Variants in ZNF483 observed in about 807,000 individuals in gnomAD.
ZNF483 encodes the protein zinc finger protein 483, also known as zinc finger protein HIT-10.
ZNF483 carries 9 observed loss-of-function variants against 28.6 expected under a neutral mutation model. The observed-to-expected ratio is 0.32, with a 90% CI of 0.19 to 0.55. The LOEUF (loss-of-function observed/expected upper bound fraction) is 0.55. ZNF483 is among the 20% of genes least tolerant of loss of function. ZNF483 has a pLI of 0.93. For synonymous variants in ZNF483, 322 were observed against 306.2 expected (o/e 1.05, Z -0.54); for missense variants, 675 against 871.7 (o/e 0.77, Z 2.84).
At position 111,534,309 on chromosome 9, in the gene ZNF483, A is replaced by G; in HGVS notation, c.677A>G (p.Glu226Gly). ...LELISQLKWV[E>G]LPWLLEEVSK... ...TTGATTTCCCAGCTAAAGTGGGTTGAATTGCCATGGCTGCTGGAAGAAGTC... is the reference window on the plus strand; with the variant it reads ...TTGATTTCCCAGCTAAAGTGGGTTGGATTGCCATGGCTGCTGGAAGAAGTC... Residue 226 changes from glutamate to glycine, a missense_variant, in exon 5 of 6, where the codon GAA (glutamate) becomes GGA (glycine). Transcript: ENST00000309235. 6.2e-7 allele frequency: 1 copy of G among 1,614,168 alleles called. No homozygotes were observed.
intron 1 of ZNF483, among the ~76,000 whole-genome samples, chr9:111,526,397 C>T (rs1827187155): frequency 6.6e-6 from 1 of 151,996 alleles, no homozygotes; most frequent in African/African-American, 2.4e-5. Context: ...AGAGACAGTT[C>T]GGTGGCTGGT....
In ZNF483 at chr9:111,534,373, A is replaced by G. The variant is rs1262072155; in HGVS notation, c.721+20A>G. On this transcript the variant is annotated intron_variant, in intron 5 of 5. Transcript: ENST00000309235. ...GACTAGGTGAGTTGGTGAAAAATACACAACGAAATTAAAGCAGTTGTTTAG... is the reference window on the plus strand; with the variant it reads ...GACTAGGTGAGTTGGTGAAAAATACGCAACGAAATTAAAGCAGTTGTTTAG... The G allele has an allele frequency of 6.2e-7, 1 of 1,601,092 alleles. No homozygotes were observed. Among genetic ancestry groups the G allele is most frequent in the Admixed American group, 1.7e-5 (1 of 59,906 alleles).
chr9:111,542,992 C>G lies in ZNF483; in HGVS notation c.2057C>G (p.Thr686Arg), dbSNP rs748869995. The G allele has an allele frequency of 6.2e-7, 1 of 1,614,168 alleles. No individual in the cohort carries two copies. Residue 686 changes from threonine to arginine, a missense_variant, in exon 6 of 6, where the codon ACA becomes AGA. Physicochemically the swap from Thr to Arg is moderately conservative, Grantham distance 71. Around this residue, in one of 6 missense-constraint regions of ZNF483, gnomAD observed 55 missense variants for 72.4 expected, o/e 0.76. Transcript: ENST00000309235. This position sits in a 1 kb window ranked among gnomAD's most constrained non-coding sequence, Gnocchi z 6.2. ...SSLNEHHRIH[T>R]GEKPYECNYC... is the part of the protein sequence containing the mutation. The stretch of plus-strand genomic sequence containing the variant: ...CTTAATGAGCACCACCGAATTCATA[C>G]AGGAGAGAAACCCTATGAGTGTAAC...
At chr9:111,576,459 C>T (rs758467288) in exon 6 of ZNF483, 4 of 1,613,122 alleles carry the variant, frequency 2.5e-6, no homozygotes, top group Admixed American at 1.7e-5. Context: ...CAGAGATGAC[C>T]AGAGGATGGG....
chr9:111,572,568 C>T (rs986774017), intron 5 of ZNF483, among the ~76,000 whole-genome samples: 10 of 151,736 alleles, frequency 6.6e-5, no homozygotes, highest in South Asian at 2.1e-4. Flanking sequence ...CCAGCCTGGG[C>T]GACAGAGTGA....
chr9:111,574,109 T>C (rs1192675901), intron 5 of ZNF483: 1 of 152,186 alleles, frequency 6.6e-6, no homozygotes, highest in Admixed American at 6.6e-5. Context: ...TCCAGCAATG[T>C]CTCTAATATC....
chr9:111,550,066 T>TTG lies in ZNF483; in HGVS notation c.*6902_*6903dup, dbSNP rs140245928. The stretch of plus-strand genomic sequence containing the variant: ...TTATTTTTTGTTGTTGTTTTTTGTG[T>TTG]TGTGTGTTTTTTGTTTTCGTTTTTG... On this transcript the variant is annotated 3_prime_UTR_variant, in exon 6 of 6. Coordinates refer to ENST00000309235, the MANE Select transcript of ZNF483 (RefSeq NM_133464.5). Among the ~76,000 whole-genome samples, 2,710 of 152,246 alleles carry TTG rather than the reference T, an allele frequency of 0.018. 84 individuals carry two copies. The highest frequency in any genetic ancestry group is 0.062 in the African/African-American group (2,573 of 41,524).
At chr9:111,561,302 G>T (rs899368345) in intron 5 of ZNF483, among the ~76,000 whole-genome samples, 1 of 151,770 alleles carries the variant, frequency 6.6e-6, no homozygotes, top group Admixed American at 6.6e-5. Flanking sequence ...TAGACACAGG[G>T]TCTTACTCTG....
intron 5 of ZNF483, among the ~76,000 whole-genome samples, chr9:111,566,859 TG>T (rs1828583449): frequency 6.6e-6 from 1 of 152,112 alleles, no homozygotes; most frequent in East Asian, 1.9e-4. Flanking sequence ...TGTTAAAAGA[TG>T]ATTAATTGCT....
At chr9:111,525,658 C>G (rs890125799) in intron 1 of ZNF483, among the ~76,000 whole-genome samples, 1 of 152,064 alleles carries the variant, frequency 6.6e-6, no homozygotes, top group Non-Finnish European at 1.5e-5. Flanking sequence ...GGGGTGAAAT[C>G]TCTCCTTTTT....
At chr9:111,570,509 ACCTGTAAT>A (rs1828769864) in intron 5 of ZNF483, among the ~76,000 whole-genome samples, 4 of 152,068 alleles carry the variant, frequency 2.6e-5, no homozygotes, top group Admixed American at 2.6e-4. Flanking sequence ...GGTGGCTCAC[ACCTGTAAT>A]CCCAGCATTT....
chr9:111,574,807 C>T (rs200434619), intron 5 of ZNF483: 77 of 1,613,766 alleles, frequency 4.8e-5, no homozygotes, highest in African/African-American at 9.3e-5. Flanking sequence ...ATTTCTTCAT[C>T]TGGCCGATAA....
chr9:111,566,949 T>G (rs1254716008), intron 5 of ZNF483, among the ~76,000 whole-genome samples: 4 of 151,872 alleles, frequency 2.6e-5, no homozygotes, highest in Non-Finnish European at 4.4e-5. Context: ...ACTAGCCAGG[T>G]GTGGTGGCAC....
At chr9:111,534,058 A>G (rs1041422058) in intron 4 of ZNF483, among the ~76,000 whole-genome samples, 193 bp downstream of exon 4, 11 of 152,172 alleles carry the variant, frequency 7.2e-5, no homozygotes, top group Non-Finnish European at 1.5e-4. Context: ...TCTTTGCTTC[A>G]TTGAATTGGA....
At position 111,561,142 on chromosome 9, in the gene ZNF483, AGAGAG is replaced by A. The variant is rs1564608065; in HGVS notation, c.722-15221_722-15217del. Among the ~76,000 whole-genome samples the A allele has an allele frequency of 5.9e-4, 27 of 45,982 alleles. 1 individual carries two copies. The highest frequency in any genetic ancestry group is 1.9e-3 in the African/African-American group (13 of 6,868). The allele number at this position is 45,982 out of a possible 152,430, so 30.2% of individuals were successfully genotyped here. On this transcript the variant is annotated intron_variant, in intron 5 of 5. Transcript: ENST00000358151. ...AGAGAGAGAGAGAGAGAGAGAGGAGAGAGAGGGAGAGAGAGAGAGAGAGAGAGAGA... is the reference window on the plus strand; with the variant it reads ...AGAGAGAGAGAGAGAGAGAGAGGAGAGGAGAGAGAGAGAGAGAGAGAGAGA...
chr9:111,567,337 G>A (rs905353296), intron 5 of ZNF483, among the ~76,000 whole-genome samples: 5 of 152,088 alleles, frequency 3.3e-5, no homozygotes, highest in Non-Finnish European at 5.9e-5. Flanking sequence ...ATAGGTGCAC[G>A]CCACCATGCC....
Position 111,544,458 on chromosome 9 carries a change from A to G in ZNF483, c.*1288A>G. The G allele has an allele frequency of 6.8e-6, 5 of 739,338 alleles. No individual in the cohort carries two copies. Among genetic ancestry groups the G allele is most frequent in the Non-Finnish European group, 8.3e-6 (5 of 604,902 alleles). The allele number at this position is 739,338 out of a possible 1,614,324, so 45.8% of individuals were successfully genotyped here. A position where few individuals can be genotyped will look rare whatever the true frequency, so the allele number is the denominator to read the frequency against. On this transcript the variant is annotated 3_prime_UTR_variant, in exon 6 of 6. Coordinates refer to ENST00000309235, the MANE Select transcript of ZNF483 (RefSeq NM_133464.5). ...AAAAAAAATTATAAGGGCTAACAAC[A>G]CTGGGCTTTTATTTATGTAAAGCAC...
Position 111,549,737 on chromosome 9 carries a change from T to A in ZNF483, c.*6567T>A, listed in dbSNP as rs776298774. The stretch of plus-strand genomic sequence containing the variant: ...CCTTGCCTTCTAAGGTAATGGTGAA[T>A]GATACATATTCCCTTCATTTTTCTG... On this transcript the variant is annotated 3_prime_UTR_variant, in exon 6 of 6. Transcript: ENST00000309235. The A allele has an allele frequency of 4.5e-6, 7 of 1,550,246 alleles. 1 individual carries two copies. In the South Asian group the frequency reaches 7.2e-5, roughly 16 times the overall value.
rs1172235163 is a variant in ZNF483 at position 111,538,639 on chromosome 9, T to C, written c.722-3018T>C. Among the ~76,000 whole-genome samples, 4 of 152,180 alleles carry C rather than the reference T, an allele frequency of 2.6e-5. No homozygotes were observed. In the East Asian group the frequency reaches 7.7e-4, roughly 29 times the overall value. On this transcript the variant is annotated intron_variant, in intron 5 of 5. Coordinates refer to ENST00000309235, the MANE Select transcript of ZNF483 (RefSeq NM_133464.5). ...GGAGAGGAATTTAACAAATGGATTC[T>C]GAAAGTGTTTTGTGTAGTTCTAGCA...
Sources: gnomAD v4.1 joint callset for allele counts (sites outside exome capture counted in the v4.1 genomes callset) on GRCh38, gnomAD v4.1.1 for gene constraint, gnomAD v4.1.1 regional missense constraint, Gnocchi (gnomAD v3.1) non-coding constraint, MANE v1.5 for transcripts, NCBI Gene and HGNC (gene_info 2026-07-23, HGNC 2026-07-21) for gene names.